Variants in RALGDS observed in about 807,000 individuals in gnomAD.
RALGDS encodes the protein ral guanine nucleotide exchange factor.
RALGDS carries 44 observed loss-of-function variants against 99.8 expected under a neutral mutation model. That is an observed-to-expected ratio of 0.44 (90% CI 0.35 to 0.57). The LOEUF is 0.57. Ranked by LOEUF, RALGDS falls within the 20% of genes least tolerant of loss-of-function variation. RALGDS has a pLI of 0.01. For missense variants in RALGDS, 1,022 were observed against 1,203.1 expected (o/e 0.85, Z 2.23); for synonymous variants, 529 against 505.0 (o/e 1.05, Z -0.64).
intron 16 of RALGDS, chr9:133,100,822 A>G (rs1279120545): frequency 8.4e-6 from 9 of 1,076,698 alleles, no homozygotes; most frequent in Non-Finnish European, 1.0e-5. Context: ...CTTGACCCTG[A>G]GGGCCAGAGC....
At chr9:133,129,064 C>T (rs1422347329) in intron 1 of RALGDS, 4 of 1,449,336 alleles carry the variant, frequency 2.8e-6, no homozygotes, top group Non-Finnish European at 3.6e-6. Flanking sequence ...GGGAAAGCAA[C>T]TCCCATGCCT....
At chr9:133,130,645 C>T (rs1832308498) in intron 1 of RALGDS, among the ~76,000 whole-genome samples, 1 of 152,112 alleles carries the variant, frequency 6.6e-6, no homozygotes, top group Admixed American at 6.6e-5. Flanking sequence ...AAACAACCAC[C>T]ACCACCACCA....
Position 133,102,104 on chromosome 9 carries a change from C to T in RALGDS, c.2045G>A (p.Gly682Asp). The T allele has an allele frequency of 6.3e-7, 1 of 1,575,024 alleles. No individual in the cohort carries two copies. Among genetic ancestry groups the T allele is most frequent in the Non-Finnish European group, 8.6e-7 (1 of 1,159,662 alleles). ...GTCACAGGACTTGGAGTGGGAGCTG[C>T]CACTGGTACTGAGCTCAGTGCTGGG... ...QAPSTELSTSGSSHSKSCDQL... is the reference protein window; with the variant it reads ...QAPSTELSTSDSSHSKSCDQL... Residue 682 changes from glycine to aspartate, a missense_variant, in exon 15 of 18, where the codon GGC becomes GAC. Gly to Asp is a moderately conservative substitution (Grantham distance 94, BLOSUM62 -1). Around this residue, in one of 3 missense-constraint regions of RALGDS, gnomAD observed 825 missense variants for 994.5 expected, o/e 0.83. Transcript: ENST00000372050.
At chr9:133,120,112 G>A (rs1273717752) in intron 1 of RALGDS, among the ~76,000 whole-genome samples, 2 of 152,184 alleles carry the variant, frequency 1.3e-5, no homozygotes, top group Admixed American at 1.3e-4. Context: ...GGCGAGGGGG[G>A]CATCTCTGGA....
At chr9:133,148,909 G>T in intron 1 of RALGDS, 2 of 1,584,966 alleles carry the variant, frequency 1.3e-6, no homozygotes, top group South Asian at 1.2e-5. Flanking sequence ...GTGGGCTGGG[G>T]CATACGGTCC....
At chr9:133,123,378 G>T (rs1337084395), upstream of RALGDS, among the ~76,000 whole-genome samples, 1 of 152,212 alleles carries the variant, frequency 6.6e-6, no homozygotes, top group Non-Finnish European at 1.5e-5. Context: ...GGACATAGAG[G>T]AATCACCACT....
upstream of RALGDS, among the ~76,000 whole-genome samples, chr9:133,125,730 C>T (rs577694486): frequency 3.3e-5 from 5 of 152,110 alleles, no homozygotes; most frequent in East Asian, 3.9e-4. Flanking sequence ...AGCAAGACTC[C>T]GTCTCAAAAA....
intron 12 of RALGDS, 63 bp downstream of exon 12, chr9:133,103,167 G>T: frequency 6.3e-7 from 1 of 1,582,108 alleles, no homozygotes; most frequent in Non-Finnish European, 8.7e-7. Flanking sequence ...GAGTTGAAAT[G>T]TCCTACCCTG....
intron 1 of RALGDS, among the ~76,000 whole-genome samples, chr9:133,143,780 C>T (rs374886057): frequency 0.12 from 12,171 of 101,934 alleles, 609 homozygotes; most frequent in Middle Eastern, 0.14. Flanking sequence ...ATAACAACAA[C>T]AACAACAATA....
chr9:133,145,416 A>C (rs2119278768), intron 1 of RALGDS, among the ~76,000 whole-genome samples: 1 of 141,866 alleles, frequency 7.0e-6, no homozygotes, highest in Non-Finnish European at 1.5e-5. Context: ...CCCAGGAGAC[A>C]GATACGAAAT....
rs773111606 is a variant in RALGDS, at chr9:133,102,556, G to A, written c.1929C>T (p.Cys643=). 1.2e-5 allele frequency: 20 copies of A among 1,613,912 alleles called. No individual in the cohort carries two copies. Among genetic ancestry groups the A allele is most frequent in the Middle Eastern group, 1.6e-4 (1 of 6,084 alleles). The change falls in exon 14 of 18, where the codon TGC becomes TGT. Residue 643 remains cysteine (C), a synonymous_variant. Transcript: ENST00000372050. Reference sequence around the variant, plus strand: ...CTGACTCGGATGGGGGCTCCAGCTCGCACGACAGGTTGTAGCTATGAGCAG... The same window carrying A: ...CTGACTCGGATGGGGGCTCCAGCTCACACGACAGGTTGTAGCTATGAGCAG... ...LSETESYNLS[C]ELEPPSESAS...
intron 1 of RALGDS, among the ~76,000 whole-genome samples, chr9:133,141,921 C>T (rs974988393): frequency 4.6e-5 from 7 of 152,234 alleles, no homozygotes; most frequent in Non-Finnish European, 1.0e-4. Flanking sequence ...ACCTGGCATG[C>T]CATCCAGCCC....
chr9:133,101,413 CCCG>C, intron 16 of RALGDS, 104 bp downstream of exon 16: 3 of 1,587,904 alleles, frequency 1.9e-6, no homozygotes, highest in Non-Finnish European at 2.6e-6. Flanking sequence ...TCTGTCCTTC[CCCG>C]CCAACTACAA....
chr9:133,115,560 C>T (rs777541615), intron 1 of RALGDS, among the ~76,000 whole-genome samples: 19 of 152,156 alleles, frequency 1.2e-4, no homozygotes, highest in Non-Finnish European at 2.2e-4. Context: ...CCCTGTCTCT[C>T]GCTGGCTCTG....
intron 1 of RALGDS, among the ~76,000 whole-genome samples, chr9:133,138,384 C>T (rs1443532587): frequency 6.6e-6 from 1 of 152,168 alleles, no homozygotes; most frequent in Non-Finnish European, 1.5e-5. Context: ...GGCTCAAGGG[C>T]CTCTCCTATC....
intron 11 of RALGDS, 38 bp from the exon 12 acceptor site, chr9:133,103,300 C>T (rs1276920851): frequency 6.2e-7 from 1 of 1,613,410 alleles, no homozygotes; most frequent in Non-Finnish European, 8.5e-7. Flanking sequence ...AGAAAGTGAC[C>T]CCTTGACCAT....
At chr9:133,100,519 C>T (rs1045951422) in intron 16 of RALGDS, 137 bp from the exon 17 acceptor site, 77 of 1,551,370 alleles carry the variant, frequency 5.0e-5, no homozygotes, top group Middle Eastern at 2.3e-4. Flanking sequence ...GTGCTGGGTC[C>T]GGAGAGGGCC....
In RALGDS at chr9:133,121,216, C is replaced by T. The variant is rs1831927154; in HGVS notation, c.-62G>A. ...GCGCGGCGGGGGCGGCGGCGCGGCC[C>T]GCGCGGCTGGGCTTTGCCACCGCTG... On this transcript the variant is annotated 5_prime_UTR_variant, in exon 1 of 18. Coordinates refer to ENST00000372050, the MANE Select transcript of RALGDS (RefSeq NM_006266.4). 3.0e-6 allele frequency: 3 copies of T among 986,616 alleles called. No individual in the cohort carries two copies. The highest frequency in any genetic ancestry group is 9.3e-5 in the South Asian group (2 of 21,502). The allele number at this position is 986,616 out of a possible 1,614,324, so 61.1% of individuals were successfully genotyped here.
chr9:133,124,275 GAC>G (rs1832080046), upstream of RALGDS, among the ~76,000 whole-genome samples: 1 of 151,448 alleles, frequency 6.6e-6, no homozygotes, highest in African/African-American at 2.4e-5. Flanking sequence ...CACAGAGACA[GAC>G]ACAGGCACAC....
Sources: allele counts gnomAD v4.1 joint callset (sites outside exome capture counted in the v4.1 genomes callset), GRCh38; gene constraint gnomAD v4.1.1; regional missense constraint gnomAD v4.1.1; transcripts MANE v1.5; gene names NCBI Gene and HGNC (gene_info 2026-07-23, HGNC 2026-07-21).